The following SEMA3G variants were observed in gnomAD, a reference collection of about 807,000 sequenced individuals.
The protein encoded by SEMA3G is semaphorin-3G.
In SEMA3G, 70 loss-of-function variants were observed where a neutral mutation model predicts 86.2. The ratio of observed to expected loss-of-function variants is 0.81; its 90% CI spans 0.67 to 0.99. The LOEUF (loss-of-function observed/expected upper bound fraction) is 0.99. Among genes scored for constraint, SEMA3G ranks in the 50% least tolerant of loss-of-function variants. The pLI, the probability that SEMA3G is intolerant of heterozygous loss-of-function variation, is 0.00. For missense variants in SEMA3G, 1,002 were observed against 1,072.4 expected (o/e 0.93, Z 0.92); for synonymous variants, 416 against 441.4 (o/e 0.94, Z 0.72).
chr3:52,433,257 G>A lies in SEMA3G; in HGVS notation c.*2346C>T, dbSNP rs1197456662. 6.6e-6 allele frequency: 1 copy of A among 152,204 alleles called. No homozygotes were observed. The highest frequency in any genetic ancestry group is 1.9e-4 in the East Asian group (1 of 5,196). The allele number at this position is 152,204 out of a possible 1,614,324, so 9.4% of individuals were successfully genotyped here. Reference sequence around the variant, plus strand: ...GACCTTCTTTCTCATGGAATGGATGGGAGGGCTCTTCATTTTCAGCTCATG... The same window carrying A: ...GACCTTCTTTCTCATGGAATGGATGAGAGGGCTCTTCATTTTCAGCTCATG... On this transcript the variant is annotated 3_prime_UTR_variant, in exon 16 of 16. Transcript: ENST00000231721.
intron 4 of SEMA3G, 54 bp from the exon 5 acceptor site, chr3:52,441,963 C>T: frequency 7.1e-7 from 1 of 1,413,044 alleles, no homozygotes. Context: ...GAAGCACCAG[C>T]AGCCCACACC....
intron 13 of SEMA3G, 51 bp downstream of exon 13, chr3:52,438,869 C>T (rs772849416): frequency 1.6e-5 from 25 of 1,606,190 alleles, no homozygotes; most frequent in Middle Eastern, 1.7e-4. Flanking sequence ...GAGGAGGCTG[C>T]GGAGCAGGGG....
rs933666319 is a variant in SEMA3G, at chr3:52,434,503, C to G, written c.*1100G>C. The G allele has an allele frequency of 1.3e-5, 2 of 152,226 alleles. No individual in the cohort carries two copies. Among genetic ancestry groups the G allele is most frequent in the Non-Finnish European group, 2.9e-5 (2 of 68,042 alleles). 9.4% of individuals were successfully genotyped at this position (152,226 alleles called of 1,614,324 possible). On this transcript the variant is annotated 3_prime_UTR_variant, in exon 16 of 16. Transcript: ENST00000231721. The surrounding 1 kb of genome is among the most constrained non-coding windows in gnomAD (Gnocchi z 5.2). ...GGCTTCTGAGCTAACTGATGCCATC[C>G]TGAGTTCTTGTGGACACCTGTTCCT... is the stretch of plus-strand genomic sequence containing the variant.
At position 52,436,059 on chromosome 3, in the gene SEMA3G, C is replaced by T. The variant is rs141710411; in HGVS notation, c.1893G>A (p.Glu631=). 2 of 1,608,862 alleles carry T rather than the reference C, an allele frequency of 1.2e-6. No homozygotes were observed. The highest frequency in any genetic ancestry group is 1.3e-5 in the African/African-American group (1 of 75,022). The change falls in exon 16 of 16, where the codon GAG becomes GAA. Residue 631 remains glutamate (E), a synonymous_variant. Coordinates refer to ENST00000231721, the MANE Select transcript of SEMA3G (RefSeq NM_020163.3). ...DEGPDQVKTD[E]RVLHTERGLL... ...GCCCCCGCTCCGTGTGCAAGACTCG[C>T]TCGTCCGTCTTCACCTGCCATGCGG...
chr3:52,440,615 C>T, intron 9 of SEMA3G, 94 bp from the exon 10 acceptor site: 1 of 1,485,336 alleles, frequency 6.7e-7, no homozygotes, highest in Non-Finnish European at 9.1e-7. Flanking sequence ...GGTGACAGTG[C>T]CTGCAGCAAG....
At position 52,444,908 on chromosome 3, in the gene SEMA3G, G is replaced by A. The variant is rs1333739882; in HGVS notation, c.115+5C>T. 5 of 1,303,874 alleles carry A rather than the reference G, an allele frequency of 3.8e-6. No homozygotes were observed. The African/African-American group carries it at 7.7e-5, about 20-fold the overall frequency. The allele number at this position is 1,303,874 out of a possible 1,614,324, so 80.8% of individuals were successfully genotyped here. Reference sequence around the variant, plus strand: ...CACACAAACAGGGCACGCAGGGGCTGGTACCTCGGTAGGAGAGCCGCAGGC... The same window carrying A: ...CACACAAACAGGGCACGCAGGGGCTAGTACCTCGGTAGGAGAGCCGCAGGC... On this transcript the variant is annotated splice_donor_5th_base_variant and intron_variant, in intron 1 of 15. Coordinates refer to ENST00000231721, the MANE Select transcript of SEMA3G (RefSeq NM_020163.3).
In SEMA3G at chr3:52,435,330, A is replaced by G. The variant is rs1372372891; in HGVS notation, c.*273T>C. The G allele has an allele frequency of 4.1e-6, 2 of 490,674 alleles. No homozygotes were observed. The highest frequency in any genetic ancestry group is 1.9e-5 in the African/African-American group (1 of 51,376). The allele number at this position is 490,674 out of a possible 1,614,324, so 30.4% of individuals were successfully genotyped here. On this transcript the variant is annotated 3_prime_UTR_variant, in exon 16 of 16. Transcript: ENST00000231721. ...GGAAATGTGTTGCGGAAGCCAGGCC[A>G]TCTCTGAGAACAAATGGCAGATCCC...
rs1488146885 is a variant in SEMA3G at position 52,439,907 on chromosome 3, C to T, written c.1335G>A (p.Glu445=). The change falls in exon 11 of 16, where the codon GAG becomes GAA. Residue 445 remains glutamate (E), a synonymous_variant. Coordinates refer to ENST00000231721, the MANE Select transcript of SEMA3G (RefSeq NM_020163.3). Reference sequence around the variant, plus strand: ...TGACATCGTAGGTCCCATCCTCTGCCTCCACGCGGTCCACCACGATCTGGT... The same window carrying T: ...TGACATCGTAGGTCCCATCCTCTGCTTCCACGCGGTCCACCACGATCTGGT... ...QLHQIVVDRV[E]AEDGTYDVIF... is the part of the protein sequence containing the mutation. The T allele has an allele frequency of 6.2e-7, 1 of 1,613,818 alleles. No homozygotes were observed.
intron 9 of SEMA3G, 39 bp from the exon 10 acceptor site, chr3:52,440,560 T>A: frequency 6.3e-7 from 1 of 1,586,988 alleles, no homozygotes; most frequent in Non-Finnish European, 8.6e-7. Flanking sequence ...AGAGTGGCCA[T>A]CAAGGACAAG....
chr3:52,437,391 C>T, intron 15 of SEMA3G, 136 bp downstream of exon 15: 1 of 945,026 alleles, frequency 1.1e-6, no homozygotes, highest in Non-Finnish European at 1.6e-6. Context: ...ACCCCAGGAG[C>T]CTAATACAAA....
At chr3:52,438,474 A>G in intron 13 of SEMA3G, 1 of 985,410 alleles carries the variant, frequency 1.0e-6, no homozygotes, top group Non-Finnish European at 1.2e-6. Context: ...TTTGCCCTCT[A>G]TCCCAGGGGC....
At position 52,438,004 on chromosome 3, in the gene SEMA3G, G is replaced by C; in HGVS notation, c.1705C>G (p.Pro569Ala). The C allele has an allele frequency of 6.2e-7, 1 of 1,612,858 alleles. No individual in the cohort carries two copies. The highest frequency in any genetic ancestry group is 1.1e-5 in the South Asian group (1 of 91,072). Residue 569 changes from proline (P) to alanine (A), a missense_variant, in exon 14 of 16, where the codon CCT becomes GCT. Physicochemically the swap from Pro to Ala is conservative, Grantham distance 27. Transcript: ENST00000231721. ...FRRQDIRHGN[P>A]ALQCLGQSQE... The stretch of plus-strand genomic sequence containing the variant: ...CTCTGGCCCAGGCACTGCAGGGCAG[G>C]GTTGCCGTGCCGGATGTCCTGCCGG...
chr3:52,436,171 C>A, intron 15 of SEMA3G, 98 bp from the exon 16 acceptor site: 2 of 1,464,762 alleles, frequency 1.4e-6, no homozygotes, highest in Non-Finnish European at 1.8e-6. Context: ...GGCCCAGTGC[C>A]TGGGCACTTC....
At position 52,437,641 on chromosome 3, in the gene SEMA3G, G is replaced by A. The variant is rs756847660; in HGVS notation, c.1764C>T (p.Ala588=). 2 of 1,612,184 alleles carry A rather than the reference G, an allele frequency of 1.2e-6. No homozygotes were observed. The highest frequency in any genetic ancestry group is 2.2e-5 in the East Asian group (1 of 44,842). Residue 588 remains alanine (A), a synonymous_variant, in exon 15 of 16, where the codon GCC becomes GCT. Coordinates refer to ENST00000231721, the MANE Select transcript of SEMA3G (RefSeq NM_020163.3). The part of the protein sequence containing the change: ...QEEEAVGLVA[A]TMVYGTEHNS... ...TGTGCTCCGTGCCGTAGACCATGGTGGCTGCCACAAGTCCCACTGCCTCTT... is the reference window on the plus strand; with the variant it reads ...TGTGCTCCGTGCCGTAGACCATGGTAGCTGCCACAAGTCCCACTGCCTCTT...
chr3:52,441,873 C>T lies in SEMA3G; in HGVS notation c.496G>A (p.Gly166Ser), dbSNP rs1480306139. The T allele has an allele frequency of 1.5e-5, 24 of 1,587,204 alleles. No homozygotes were observed. Among genetic ancestry groups the T allele is most frequent in the Non-Finnish European group, 1.9e-5 (22 of 1,166,476 alleles). Residue 166 changes from glycine to serine, a missense_variant, in exon 5 of 16, where the codon GGC (glycine) becomes AGC (serine). Coordinates refer to ENST00000231721, the MANE Select transcript of SEMA3G (RefSeq NM_020163.3). Reference protein sequence around the residue: ...LHLEPGSVESGRGRCPHEPSR... With the variant: ...LHLEPGSVESSRGRCPHEPSR... ...GGCTCGTGAGGGCACCGCCCCCGGCCACTTTCCACACTGCCAGGCTCCAGG... is the reference window on the plus strand; with the variant it reads ...GGCTCGTGAGGGCACCGCCCCCGGCTACTTTCCACACTGCCAGGCTCCAGG...
In SEMA3G at chr3:52,435,897, C is replaced by T. The variant is rs763946717; in HGVS notation, c.2055G>A (p.Pro685=). Residue 685 remains proline (P), a synonymous_variant, in exon 16 of 16, where the codon CCG becomes CCA. Coordinates refer to ENST00000231721, the MANE Select transcript of SEMA3G (RefSeq NM_020163.3). The part of the protein sequence containing the change: ...VASQLDNLFP[P]EPKPEEPPAR... ...CTGGGGGCTCCTCTGGCTTTGGCTC[C>T]GGAGGGAACAGGTTGTCCAGCTGTG... 17 of 1,614,052 alleles carry T rather than the reference C, an allele frequency of 1.1e-5. No individual in the cohort carries two copies. The highest frequency in any genetic ancestry group is 1.6e-4 in the Middle Eastern group (1 of 6,062).
intron 12 of SEMA3G, among the ~76,000 whole-genome samples, chr3:52,439,352 C>T (rs1706102914): frequency 6.6e-6 from 1 of 152,066 alleles, no homozygotes; most frequent in African/African-American, 2.4e-5. Context: ...GGATCTCAAC[C>T]ATCTCCTCCT....
rs371384123 is a variant in SEMA3G, at chr3:52,439,987, G to C, written c.1255C>G (p.Arg419Gly). 1 of 1,613,614 alleles carries C rather than the reference G, an allele frequency of 6.2e-7. No individual in the cohort carries two copies. The highest frequency in any genetic ancestry group is 8.5e-7 in the Non-Finnish European group (1 of 1,179,916). The change falls in exon 11 of 16, where the codon CGG becomes GGG. Residue 419 changes from arginine (R) to glycine (G), a missense_variant. Transcript: ENST00000231721. ...AGGACAGGGCGGCCATGTCGAGGCC[G>C]CACAGGCCAGAACATGAGGGGGTGG... ...RAHPLMFWPV[R>G]PRHGRPVLVK... is the part of the protein sequence containing the mutation.
At chr3:52,436,935 C>T (rs529225698) in intron 15 of SEMA3G, among the ~76,000 whole-genome samples, 1 of 152,308 alleles carries the variant, frequency 6.6e-6, no homozygotes, top group African/African-American at 2.4e-5. Context: ...TTCCCTGCCC[C>T]GGCCAATGCC....
Sources: allele counts gnomAD v4.1 joint callset (sites outside exome capture counted in the v4.1 genomes callset), GRCh38; gene constraint gnomAD v4.1.1; non-coding constraint Gnocchi (gnomAD v3.1); transcripts MANE v1.5; gene names NCBI Gene and HGNC (gene_info 2026-07-23, HGNC 2026-07-21).